Variants in SLC45A4 observed in about 807,000 individuals in gnomAD.
SLC45A4 encodes polyamine-transporter SLC45A4.
Under a neutral mutation model 63.7 loss-of-function variants are expected in SLC45A4, and 32 were observed. The observed-to-expected ratio is 0.50, with a 90% CI of 0.38 to 0.67. SLC45A4 has a LOEUF of 0.67. Among genes scored for constraint, SLC45A4 ranks in the 30% least tolerant of loss-of-function variants. The probability of loss-of-function intolerance (pLI) is 0.00; values close to 1 mark genes in which losing one functional copy is unlikely to be tolerated. For synonymous variants in SLC45A4, 535 were observed against 510.0 expected, an observed-to-expected ratio of 1.05 and a Z score of -0.66; for missense variants, 1,027 against 1,157.7, an observed-to-expected ratio of 0.89 and a Z score of 1.64.
chr8:141,290,927 T>A (rs1349452236), intron 1 of SLC45A4, among the ~76,000 whole-genome samples: 1 of 152,218 alleles, frequency 6.6e-6, no homozygotes, highest in Non-Finnish European at 1.5e-5. Context: ...CAGCTCACTG[T>A]AACCTCCGCC....
chr8:141,216,075 C>G, intron 6 of SLC45A4, 105 bp from the exon 7 acceptor site: 1 of 1,006,072 alleles, frequency 9.9e-7, no homozygotes. Flanking sequence ...CCGACCTCCA[C>G]TCCTTCCAGC....
chr8:141,306,316 A>G (rs756603571), intron 1 of SLC45A4, among the ~76,000 whole-genome samples: 1 of 152,250 alleles, frequency 6.6e-6, no homozygotes, highest in Non-Finnish European at 1.5e-5. Context: ...AGCCACTGCC[A>G]CAAAAACAAT....
rs796809547 is a variant in SLC45A4 at position 141,270,510 on chromosome 8, CA to C, written c.-400-15882del. Among the ~76,000 whole-genome samples the C allele has an allele frequency of 2.1e-3, 310 of 145,500 alleles. 2 individuals carry two copies. The highest frequency in any genetic ancestry group is 6.9e-3 in the African/African-American group (275 of 39,984). On this transcript the variant is annotated intron_variant, in intron 1 of 8. Transcript: ENST00000517878. The stretch of plus-strand genomic sequence containing the variant: ...ACAACATGGCAAAACCCCATCTTTA[CA>C]AAAAAAAAAATTAGCCAGGTGTGGT...
chr8:141,267,460 C>T lies in SLC45A4; in HGVS notation c.-400-12831G>A, dbSNP rs566538631. ...GAATGTTGTGACTACTTGATGACGC[C>T]GGACAGTGCCAGGGAATTGCATTTT... On this transcript the variant is annotated intron_variant, in intron 1 of 8. Coordinates refer to ENST00000517878, the MANE Select transcript of SLC45A4 (RefSeq NM_001286646.2). 1.2e-4 allele frequency among the ~76,000 whole-genome samples: 19 copies of T among 152,320 alleles called. No individual in the cohort carries two copies. In the South Asian group the frequency reaches 2.7e-3, roughly 22 times the overall value.
chr8:141,225,407 C>T (rs538838286), intron 2 of SLC45A4: 17 of 152,376 alleles, frequency 1.1e-4, no homozygotes, highest in African/African-American at 4.1e-4. Flanking sequence ...TGTGTTGCGT[C>T]AACGAAGGCC....
intron 5 of SLC45A4, 120 bp from the exon 6 acceptor site, chr8:141,217,309 C>T (rs187796265): frequency 0.014 from 14,670 of 1,046,392 alleles, 144 homozygotes; most frequent in Middle Eastern, 0.017. Context: ...ACAGGAAAGT[C>T]CCATCCAGGA....
At chr8:141,249,220 C>T (rs1259335388) in intron 2 of SLC45A4, among the ~76,000 whole-genome samples, 1 of 152,144 alleles carries the variant, frequency 6.6e-6, no homozygotes, top group Non-Finnish European at 1.5e-5. Context: ...AAGCCACTCC[C>T]AGTGAACCAC....
intron 2 of SLC45A4, among the ~76,000 whole-genome samples, chr8:141,223,736 C>T (rs558712467): frequency 1.3e-5 from 2 of 152,354 alleles, no homozygotes; most frequent in East Asian, 1.9e-4. Context: ...CCAGGTCCTG[C>T]GTTTTCCACA....
rs145231969 is a variant in SLC45A4 at position 141,247,786 on chromosome 8, G to A, written c.241+6203C>T. Among the ~76,000 whole-genome samples the A allele has an allele frequency of 8.9e-4, 135 of 152,246 alleles. 1 individual carries two copies. The highest frequency in any genetic ancestry group is 5.2e-3 in the East Asian group (27 of 5,186). The stretch of plus-strand genomic sequence containing the variant: ...ATAAAACTACAGAAATCAATCAATC[G>A]TTGTATCAGGAACAGACATATAGAT... On this transcript the variant is annotated intron_variant, in intron 2 of 8. Transcript: ENST00000517878.
intron 1 of SLC45A4, among the ~76,000 whole-genome samples, chr8:141,304,203 G>A (rs1484339881): frequency 6.6e-6 from 1 of 152,024 alleles, no homozygotes; most frequent in Non-Finnish European, 1.5e-5. Flanking sequence ...GGGGCAGGAG[G>A]ATCACTTGAG....
At chr8:141,267,528 T>C (rs918970066) in intron 1 of SLC45A4, among the ~76,000 whole-genome samples, 1 of 152,230 alleles carries the variant, frequency 6.6e-6, no homozygotes. Flanking sequence ...TGGATTCTTA[T>C]TACAGAAAGT....
intron 2 of SLC45A4, among the ~76,000 whole-genome samples, chr8:141,247,914 C>A (rs1261620332): frequency 6.6e-6 from 1 of 152,216 alleles, no homozygotes; most frequent in Non-Finnish European, 1.5e-5. Context: ...AGGCTTTTTA[C>A]AAGTGATGCT....
intron 1 of SLC45A4, among the ~76,000 whole-genome samples, chr8:141,285,536 G>A (rs1281901662): frequency 6.6e-6 from 1 of 152,246 alleles, no homozygotes; most frequent in Non-Finnish European, 1.5e-5. Context: ...CACACGAGCA[G>A]TCAGCCTCCA....
intron 1 of SLC45A4, among the ~76,000 whole-genome samples, chr8:141,302,607 C>T (rs966516503): frequency 6.6e-6 from 1 of 152,218 alleles, no homozygotes; most frequent in Non-Finnish European, 1.5e-5. Context: ...GCTAGGATTA[C>T]AGGCATGAGC....
rs1487012172 is a variant in SLC45A4, at chr8:141,254,244, T to C, written c.-15A>G. On this transcript the variant is annotated 5_prime_UTR_variant, in exon 2 of 9. The change creates a new upstream start codon in the 5' untranslated region. Coordinates refer to ENST00000517878, the MANE Select transcript of SLC45A4 (RefSeq NM_001286646.2). The surrounding 1 kb of genome is among the most constrained non-coding windows in gnomAD (Gnocchi z 4.5). Reference sequence around the variant, plus strand: ...GCCATTTTCATTACCACCAAAAATATATGTATTTATCTATATATTCTATCT... The same window carrying C: ...GCCATTTTCATTACCACCAAAAATACATGTATTTATCTATATATTCTATCT... 2.6e-6 allele frequency: 4 copies of C among 1,526,914 alleles called. No homozygotes were observed. Among genetic ancestry groups the C allele is most frequent in the Non-Finnish European group, 3.5e-6 (4 of 1,141,340 alleles). The allele number at this position is 1,526,914 out of a possible 1,614,324, so 94.6% of individuals were successfully genotyped here. A position where few individuals can be genotyped will look rare whatever the true frequency, so the allele number is the denominator to read the frequency against.
chr8:141,284,035 C>T (rs1830052880), intron 1 of SLC45A4, among the ~76,000 whole-genome samples: 1 of 152,214 alleles, frequency 6.6e-6, no homozygotes, highest in South Asian at 2.1e-4. Context: ...CTTCCTTTAA[C>T]TAGGACTGCT....
chr8:141,246,568 G>A (rs1289200754), intron 2 of SLC45A4, among the ~76,000 whole-genome samples: 4 of 152,382 alleles, frequency 2.6e-5, no homozygotes, highest in African/African-American at 7.2e-5. Flanking sequence ...ACATCCCCTC[G>A]ATGCTGCCAT....
chr8:141,288,404 C>T (rs961189700), intron 1 of SLC45A4, among the ~76,000 whole-genome samples: 13 of 152,196 alleles, frequency 8.5e-5, no homozygotes, highest in Admixed American at 3.3e-4. Context: ...CGCATCGGTA[C>T]GCCACATTTT....
chr8:141,217,730 G>A (rs1826250350), intron 5 of SLC45A4, among the ~76,000 whole-genome samples: 1 of 152,210 alleles, frequency 6.6e-6, no homozygotes, highest in African/African-American at 2.4e-5. Context: ...CTGACACACA[G>A]TAACAGACAC....
Sources: gnomAD v4.1 joint callset for allele counts (sites outside exome capture counted in the v4.1 genomes callset) on GRCh38, gnomAD v4.1.1 for gene constraint, Gnocchi (gnomAD v3.1) non-coding constraint, MANE v1.5 for transcripts, NCBI Gene and HGNC (gene_info 2026-07-23, HGNC 2026-07-21) for gene names.